The following PLXND1 variants were observed in gnomAD, a reference collection of about 807,000 sequenced individuals.
PLXND1 encodes plexin D1.
In PLXND1, 54 loss-of-function variants were observed where a neutral mutation model predicts 197.7. The ratio of observed to expected loss-of-function variants is 0.27; its 90% CI spans 0.22 to 0.34. PLXND1 has a LOEUF of 0.34. Among genes scored for constraint, PLXND1 ranks in the 10% least tolerant of loss-of-function variants. PLXND1 has a pLI of 1.00. For synonymous variants in PLXND1, 1,180 were observed against 1,161.2 expected, an observed-to-expected ratio of 1.02 and a Z score of -0.33; for missense variants, 2,127 against 2,699.2, an observed-to-expected ratio of 0.79 and a Z score of 4.70.
rs1037385365 is a variant in PLXND1 at position 129,557,473 on chromosome 3, G to T, written c.5446-250C>A. ...AGGACAATGATGTGGGTGGGGAGGG[G>T]CCCTACTTCTTTCAGGGGAAAAGTG... On this transcript the variant is annotated intron_variant, in intron 33 of 35. Transcript: ENST00000324093. The surrounding 1 kb of genome is among the most constrained non-coding windows in gnomAD (Gnocchi z 4.8). Among the ~76,000 whole-genome samples, 19 of 130,740 alleles carry T rather than the reference G, an allele frequency of 1.5e-4. No individual in the cohort carries two copies. The highest frequency in any genetic ancestry group is 7.0e-4 in the African/African-American group (17 of 24,360). 85.8% of individuals were successfully genotyped at this position (130,740 alleles called of 152,430 possible).
chr3:129,589,310 T>TGCCACCCCC, intron 2 of PLXND1, 41 bp downstream of exon 2: 1 of 501,292 alleles, frequency 2.0e-6, no homozygotes, highest in African/African-American at 2.2e-5. Flanking sequence ...CAGGGGAGCC[T>TGCCACCCCC]CCCACCCCCA....
chr3:129,560,994 C>T (rs1032154810), intron 29 of PLXND1: 7 of 594,704 alleles, frequency 1.2e-5, no homozygotes, highest in East Asian at 3.7e-5. Context: ...AGACACACAG[C>T]GAGCGAGACA....
chr3:129,593,671 G>A (rs1170814876), intron 1 of PLXND1, among the ~76,000 whole-genome samples: 5 of 152,218 alleles, frequency 3.3e-5, no homozygotes, highest in African/African-American at 1.2e-4. Context: ...TCTCTAAGTC[G>A]AGTGACTGAG....
At position 129,577,111 on chromosome 3, in the gene PLXND1, C is replaced by A. The variant is rs529517646; in HGVS notation, c.2346+1218G>T. Among the ~76,000 whole-genome samples the A allele has an allele frequency of 6.6e-6, 1 of 152,146 alleles. No individual in the cohort carries two copies. The highest frequency in any genetic ancestry group is 1.5e-5 in the Non-Finnish European group (1 of 68,022). ...GGCCAAAAGCCCGTTTTGTCCCCTGCCATGCTGAGCTGGAGATGGGTCCCT... is the reference window on the plus strand; with the variant it reads ...GGCCAAAAGCCCGTTTTGTCCCCTGACATGCTGAGCTGGAGATGGGTCCCT... On this transcript the variant is annotated intron_variant, in intron 9 of 35. Coordinates refer to ENST00000324093, the MANE Select transcript of PLXND1 (RefSeq NM_015103.3). The surrounding 1 kb of genome is among the most constrained non-coding windows in gnomAD (Gnocchi z 5.0).
At chr3:129,570,677 G>C (rs1460265801) in intron 19 of PLXND1, 109 bp downstream of exon 19, 1 of 1,074,674 alleles carries the variant, frequency 9.3e-7, no homozygotes, top group African/African-American at 1.5e-5. Context: ...CTGAGCTGTT[G>C]AGCGTGAAAA....
intron 1 of PLXND1, among the ~76,000 whole-genome samples, chr3:129,601,854 A>G (rs2085712961): frequency 6.6e-6 from 1 of 152,188 alleles, no homozygotes; most frequent in Non-Finnish European, 1.5e-5. Flanking sequence ...GCTGCAGACC[A>G]GGCCAGCCAT....
At position 129,557,239 on chromosome 3, in the gene PLXND1, C is replaced by T. The variant is rs543225663; in HGVS notation, c.5446-16G>A. 10 of 1,613,706 alleles carry T rather than the reference C, an allele frequency of 6.2e-6. No individual in the cohort carries two copies. The highest frequency in any genetic ancestry group is 4.5e-5 in the East Asian group (2 of 44,866). ...TTGGCGAATCCTGGGCAGAGAAGAG[C>T]GAGGGTGTTAGATGGCTGCTGGAGA... On this transcript the variant is annotated splice_polypyrimidine_tract_variant and intron_variant, in intron 33 of 35. Transcript: ENST00000324093. The surrounding 1 kb of genome is among the most constrained non-coding windows in gnomAD (Gnocchi z 4.8).
chr3:129,602,898 A>G (rs2085731640), intron 1 of PLXND1, among the ~76,000 whole-genome samples: 2 of 152,210 alleles, frequency 1.3e-5, no homozygotes, highest in Non-Finnish European at 2.9e-5. Context: ...GAAGAAACTG[A>G]GGCCCAGAGA....
chr3:129,558,360 G>T lies in PLXND1; in HGVS notation c.5445+68C>A. On this transcript the variant is annotated intron_variant, in intron 33 of 35. Transcript: ENST00000324093. This position sits in a 1 kb window ranked among gnomAD's most constrained non-coding sequence, Gnocchi z 4.1. Reference sequence around the variant, plus strand: ...AGCTCAGCCTCAGAGAGTCGAGGAGGCTACCCATGGTCGGCACCCCACTCT... The same window carrying T: ...AGCTCAGCCTCAGAGAGTCGAGGAGTCTACCCATGGTCGGCACCCCACTCT... 6.8e-7 allele frequency: 1 copy of T among 1,463,544 alleles called. No homozygotes were observed. The highest frequency in any genetic ancestry group is 9.4e-7 in the Non-Finnish European group (1 of 1,063,120). 90.7% of individuals were successfully genotyped at this position (1,463,544 alleles called of 1,614,324 possible).
At chr3:129,562,471 C>T (rs1279434833) in intron 27 of PLXND1, 2 of 284,168 alleles carry the variant, frequency 7.0e-6, no homozygotes, top group Non-Finnish European at 1.3e-5. Flanking sequence ...GATTGCGCCA[C>T]TGCACTCCAG....
In PLXND1 at chr3:129,577,387, G is replaced by C. The variant is rs2085327798; in HGVS notation, c.2346+942C>G. On this transcript the variant is annotated intron_variant, in intron 9 of 35. Coordinates refer to ENST00000324093, the MANE Select transcript of PLXND1 (RefSeq NM_015103.3). The surrounding 1 kb of genome is among the most constrained non-coding windows in gnomAD (Gnocchi z 5.0). The stretch of plus-strand genomic sequence containing the variant: ...CCCATCCCAGGCGCCCACGGCCCAG[G>C]GGCAGAGCCATCCTGCCCACCCACC... Among the ~76,000 whole-genome samples the C allele has an allele frequency of 3.3e-5, 5 of 152,144 alleles. No individual in the cohort carries two copies. The highest frequency in any genetic ancestry group is 3.3e-4 in the Admixed American group (5 of 15,284).
Position 129,606,268 on chromosome 3 carries a change from G to T in PLXND1, c.372C>A (p.Tyr124Ter). The stretch of plus-strand genomic sequence containing the variant: ...CGGGGTCCAGCTGCAGGATCTTGTT[G>T]TAGTTGTCCGTGAGGCGCCGCGGGT... ...CEHPRRLTDN[Y>*]NKILQLDPGQ... is the part of the protein sequence containing the mutation. Residue 124 changes from tyrosine to a stop codon, truncating the protein, a stop_gained, in exon 1 of 36, where the codon TAC (tyrosine) becomes TAA (stop). Coordinates refer to ENST00000324093, the MANE Select transcript of PLXND1 (RefSeq NM_015103.3). LOFTEE classifies it high-confidence loss of function. 1 of 1,550,372 alleles carries T rather than the reference G, an allele frequency of 6.5e-7. No homozygotes were observed. The highest frequency in any genetic ancestry group is 8.7e-7 in the Non-Finnish European group (1 of 1,154,020).
In PLXND1 at chr3:129,573,635, C is replaced by T; in HGVS notation, c.2796G>A (p.Val932=). ...ATCTGTCAGGCAGTGGCTCACAGGC[C>T]ACACCACCAATCCACACGCCGTGGG... ...DVAHGVWIGG[V]ACEPLPDRYT... The change falls in exon 13 of 36, where the codon GTG becomes GTA. Residue 932 remains valine (V), a synonymous_variant. Coordinates refer to ENST00000324093, the MANE Select transcript of PLXND1 (RefSeq NM_015103.3). The T allele has an allele frequency of 6.2e-7, 1 of 1,613,576 alleles. No individual in the cohort carries two copies. The highest frequency in any genetic ancestry group is 8.5e-7 in the Non-Finnish European group (1 of 1,180,010).
chr3:129,601,672 G>A (rs529222494), intron 1 of PLXND1, among the ~76,000 whole-genome samples: 1 of 152,282 alleles, frequency 6.6e-6, no homozygotes, highest in Non-Finnish European at 1.5e-5. Flanking sequence ...CTCTTCCCCA[G>A]AGGTACCCCA....
chr3:129,572,697 T>C lies in PLXND1; in HGVS notation c.2989A>G (p.Thr997Ala), dbSNP rs2085253009. 1 of 1,604,168 alleles carries C rather than the reference T, an allele frequency of 6.2e-7. No homozygotes were observed. The highest frequency in any genetic ancestry group is 8.5e-7 in the Non-Finnish European group (1 of 1,175,028). Residue 997 changes from threonine (T) to alanine (A), a missense_variant, in exon 15 of 36, where the codon ACC becomes GCC. Physicochemically the swap from Thr to Ala is moderately conservative, Grantham distance 58. Transcript: ENST00000324093. Reference protein sequence around the residue: ...EPTMGPKAGGTRITIHGNDLH... With the variant: ...EPTMGPKAGGARITIHGNDLH... ...TCATTCCCATGGATGGTGATCCTGG[T>C]GCCCCCGGCCTTGGGGCCCATGGTA...
Position 129,590,163 on chromosome 3 carries a change from G to A in PLXND1, c.1312-636C>T, listed in dbSNP as rs115146843. Among the ~76,000 whole-genome samples, 455 of 152,198 alleles carry A rather than the reference G, an allele frequency of 3.0e-3. 3 individuals carry two copies. Among genetic ancestry groups the A allele is most frequent in the African/African-American group, 0.01 (425 of 41,502 alleles). On this transcript the variant is annotated intron_variant, in intron 1 of 35. Transcript: ENST00000324093. The stretch of plus-strand genomic sequence containing the variant: ...TCCCCAAGCACCTATCCCCTCATCT[G>A]CCCACATTACAGGGGGACAAACAGG...
chr3:129,574,688 G>A (rs982862903), intron 11 of PLXND1, among the ~76,000 whole-genome samples, 198 bp from the exon 12 acceptor site: 2 of 152,214 alleles, frequency 1.3e-5, no homozygotes, highest in Non-Finnish European at 2.9e-5. Flanking sequence ...GGCCTGTGCT[G>A]AGCACAGTGC....
At chr3:129,594,330 G>A (rs1578356676) in intron 1 of PLXND1, among the ~76,000 whole-genome samples, 1 of 152,174 alleles carries the variant, frequency 6.6e-6, no homozygotes, top group Non-Finnish European at 1.5e-5. Context: ...TAAGACTGCA[G>A]GGTGGGCCGT....
In PLXND1 at chr3:129,586,204, G is replaced by A. The variant is rs757581987; in HGVS notation, c.1689C>T (p.Asp563=). ...STCGDCVGAA[D]AYCGWCALET... is the part of the protein sequence containing the mutation. ...CCAGGGCACACCAGCCGCAGTAGGC[G>A]TCCGCCGCACCCACGCAGTCCCCAC... Residue 563 remains aspartate (D), a synonymous_variant, in exon 4 of 36, where the codon GAC becomes GAT. Transcript: ENST00000324093. The A allele has an allele frequency of 1.4e-4, 228 of 1,603,790 alleles. 1 individual carries two copies. The highest frequency in any genetic ancestry group is 1.2e-3 in the Middle Eastern group (7 of 5,886).
Sources: allele counts gnomAD v4.1 joint callset (sites outside exome capture counted in the v4.1 genomes callset), GRCh38; gene constraint gnomAD v4.1.1; non-coding constraint Gnocchi (gnomAD v3.1); transcripts MANE v1.5; gene names NCBI Gene and HGNC (gene_info 2026-07-23, HGNC 2026-07-21).